The following APBB1IP variants were observed in gnomAD, a reference collection of about 807,000 sequenced individuals.
APBB1IP encodes amyloid beta A4 precursor protein-binding family B member 1-interacting protein.
In APBB1IP, 27 loss-of-function variants were observed where a neutral mutation model predicts 64.9. The observed-to-expected ratio is 0.42, with a 90% CI of 0.31 to 0.57. The LOEUF (loss-of-function observed/expected upper bound fraction) is 0.57, where lower values mean the gene tolerates loss of function less well. APBB1IP is among the 20% of genes least tolerant of loss of function. APBB1IP has a pLI of 0.20. For synonymous variants in APBB1IP, 392 were observed against 331.0 expected, an observed-to-expected ratio of 1.18 and a Z score of -2.00; for missense variants, 812 against 845.5, an observed-to-expected ratio of 0.96 and a Z score of 0.49.
chr10:26,536,179 G>T lies in APBB1IP; in HGVS notation c.1006G>T (p.Ala336Ser). The T allele has an allele frequency of 1.2e-6, 2 of 1,604,092 alleles. No homozygotes were observed. Among genetic ancestry groups the T allele is most frequent in the Non-Finnish European group, 1.7e-6 (2 of 1,176,756 alleles). Residue 336 changes from alanine (A) to serine (S), a missense_variant, in exon 10 of 15, where the codon GCT becomes TCT. This residue lies in a region of APBB1IP where 394 missense variants were observed against 413.1 expected (regional missense o/e 0.95). Transcript: ENST00000376236. ...SWKRRYFLLR[A>S]SGIYYVPKGK... ...GAAAAGGCGCTATTTTCTTTTACGG[G>T]CTTCTGGAATTTATTATGTACCCAA...
rs913611342 is a variant in APBB1IP, at chr10:26,560,919, A to G, written c.1369+75A>G. The G allele has an allele frequency of 7.1e-6, 8 of 1,130,576 alleles. No homozygotes were observed. The African/African-American group carries it at 7.7e-5, about 11-fold the overall frequency. The allele number at this position is 1,130,576 out of a possible 1,614,324, so 70.0% of individuals were successfully genotyped here. A position where few individuals can be genotyped will look rare whatever the true frequency, so the allele number is the denominator to read the frequency against. On this transcript the variant is annotated intron_variant, in intron 13 of 14. Transcript: ENST00000376236. ...AGTTCAAAATGTATCCAATACATCT[A>G]TACAAACAGGACTTTGTACACAGCA...
At chr10:26,526,272 A>G (rs1341658717) in intron 8 of APBB1IP, among the ~76,000 whole-genome samples, 1 of 152,216 alleles carries the variant, frequency 6.6e-6, no homozygotes, top group African/African-American at 2.4e-5. Flanking sequence ...CATGTAAGGC[A>G]CAACCTTACA....
intron 2 of APBB1IP, among the ~76,000 whole-genome samples, chr10:26,491,342 C>A (rs1835952555): frequency 6.6e-6 from 1 of 152,212 alleles, no homozygotes; most frequent in Non-Finnish European, 1.5e-5. Context: ...TGGTCTGCAG[C>A]AAATTCCTCA....
At position 26,536,154 on chromosome 10, in the gene APBB1IP, GA is replaced by G; in HGVS notation, c.985del (p.Arg329GlyfsTer44). On this transcript the variant is annotated frameshift_variant, in exon 10 of 15. Transcript: ENST00000376236. LOFTEE classifies it high-confidence loss of function. The stretch of plus-strand genomic sequence containing the variant: ...TGAAAGAAGATGGAAAGAAATCCTG[GA>G]AAAGGCGCTATTTTCTTTTACGGGC... ...YLKEDGKKSW[K>X]RRYFLLRASG... 2 of 1,604,042 alleles carry G rather than the reference GA, an allele frequency of 1.2e-6. No homozygotes were observed. Among genetic ancestry groups the G allele is most frequent in the South Asian group, 1.1e-5 (1 of 89,666 alleles).
rs192838482 is a variant in APBB1IP, at chr10:26,451,518, C to A, written c.-1+12665C>A. On this transcript the variant is annotated intron_variant, in intron 2 of 14. Coordinates refer to ENST00000376236, the MANE Select transcript of APBB1IP (RefSeq NM_019043.4). ...GGCACCTTGGATTTTGTAAATGATGCGTTCTGCTTTTGCCATTTGGACGTC... is the reference window on the plus strand; with the variant it reads ...GGCACCTTGGATTTTGTAAATGATGAGTTCTGCTTTTGCCATTTGGACGTC... Among the ~76,000 whole-genome samples, 12 of 152,332 alleles carry A rather than the reference C, an allele frequency of 7.9e-5. No individual in the cohort carries two copies. In the East Asian group the frequency reaches 2.3e-3, roughly 29 times the overall value.
chr10:26,525,466 T>C (rs1836461891), intron 8 of APBB1IP, among the ~76,000 whole-genome samples: 1 of 152,150 alleles, frequency 6.6e-6, no homozygotes, highest in South Asian at 2.1e-4. Flanking sequence ...ACCTCTGCAA[T>C]GGGTGAGGAA....
At chr10:26,551,233 C>T (rs1277163835) in intron 11 of APBB1IP, among the ~76,000 whole-genome samples, 3 of 152,166 alleles carry the variant, frequency 2.0e-5, no homozygotes, top group Non-Finnish European at 4.4e-5. Context: ...GTTTCAGCCC[C>T]GTTGGTACTT....
At chr10:26,453,747 G>A (rs996745595) in intron 2 of APBB1IP, among the ~76,000 whole-genome samples, 1 of 152,120 alleles carries the variant, frequency 6.6e-6, no homozygotes, top group Non-Finnish European at 1.5e-5. Flanking sequence ...AACGTCACTA[G>A]TCATAAAGGA....
intron 7 of APBB1IP, among the ~76,000 whole-genome samples, chr10:26,512,149 CTT>C (rs1836269422): frequency 6.6e-6 from 1 of 152,140 alleles, no homozygotes; most frequent in Non-Finnish European, 1.5e-5. Flanking sequence ...CTTGAGAAGA[CTT>C]TGGTTCAAGG....
chr10:26,495,360 G>A (rs900586448), intron 3 of APBB1IP, among the ~76,000 whole-genome samples: 1 of 131,354 alleles, frequency 7.6e-6, no homozygotes, highest in Non-Finnish European at 1.6e-5. Context: ...GAGTTTAAGT[G>A]AACGTGTGTG....
chr10:26,563,178 A>G (rs1450178292), intron 14 of APBB1IP, among the ~76,000 whole-genome samples: 5 of 152,084 alleles, frequency 3.3e-5, no homozygotes, highest in African/African-American at 1.2e-4. Context: ...AGATTAGAAG[A>G]CTGCTAAAAG....
At position 26,567,365 on chromosome 10, in the gene APBB1IP, G is replaced by A; in HGVS notation, c.1878G>A (p.Arg626=). ...GGCCGCCCCCCGCGGTGGCCAAGAG[G>A]CCTCCTGTGCCCCCCAAGAGGCAAG... ...SARPPPAVAK[R]PPVPPKRQEN... is the part of the protein sequence containing the mutation. The change falls in exon 15 of 15, where the codon AGG becomes AGA. Residue 626 remains arginine (R), a synonymous_variant. Coordinates refer to ENST00000376236, the MANE Select transcript of APBB1IP (RefSeq NM_019043.4). 2 of 1,547,220 alleles carry A rather than the reference G, an allele frequency of 1.3e-6. No homozygotes were observed. The highest frequency in any genetic ancestry group is 1.8e-6 in the Non-Finnish European group (2 of 1,141,082).
At chr10:26,447,773 T>G (rs1237302901) in intron 2 of APBB1IP, among the ~76,000 whole-genome samples, 1 of 152,090 alleles carries the variant, frequency 6.6e-6, no homozygotes, top group Admixed American at 6.6e-5. Flanking sequence ...CAAGCAAGAG[T>G]GCAGTGGCAT....
chr10:26,453,304 T>C (rs1835485312), intron 2 of APBB1IP, among the ~76,000 whole-genome samples: 1 of 152,172 alleles, frequency 6.6e-6, no homozygotes, highest in African/African-American at 2.4e-5. Flanking sequence ...CTCCTTTCAC[T>C]GTAAGGCAAG....
At position 26,567,385 on chromosome 10, in the gene APBB1IP, G is replaced by T. The variant is rs929139971; in HGVS notation, c.1898G>T (p.Arg633Met). Reference sequence around the variant, plus strand: ...AAGAGGCCTCCTGTGCCCCCCAAGAGGCAAGAGAACCCAGGGCACCCCGGC... The same window carrying T: ...AAGAGGCCTCCTGTGCCCCCCAAGATGCAAGAGAACCCAGGGCACCCCGGC... ...VAKRPPVPPKRQENPGHPGGA... is the reference protein window; with the variant it reads ...VAKRPPVPPKMQENPGHPGGA... Residue 633 changes from arginine (R) to methionine (M), a missense_variant, in exon 15 of 15, where the codon AGG becomes ATG. Arg to Met is a moderately conservative substitution (Grantham distance 91). Coordinates refer to ENST00000376236, the MANE Select transcript of APBB1IP (RefSeq NM_019043.4). 6.3e-7 allele frequency: 1 copy of T among 1,586,500 alleles called. No homozygotes were observed. Among genetic ancestry groups the T allele is most frequent in the Admixed American group, 1.7e-5 (1 of 58,258 alleles).
intron 6 of APBB1IP, among the ~76,000 whole-genome samples, chr10:26,510,158 CG>C (rs1836234937): frequency 6.6e-6 from 1 of 152,004 alleles, no homozygotes; most frequent in Non-Finnish European, 1.5e-5. Flanking sequence ...TTAGTAGAGA[CG>C]GGGTTTCATC....
chr10:26,461,394 A>G (rs1835590332), intron 2 of APBB1IP, among the ~76,000 whole-genome samples: 1 of 152,190 alleles, frequency 6.6e-6, no homozygotes. Context: ...TCTACTGATT[A>G]CTAACTGCTA....
chr10:26,566,955 T>C lies in APBB1IP; in HGVS notation c.1474-6T>C. The C allele has an allele frequency of 6.4e-7, 1 of 1,567,992 alleles. No individual in the cohort carries two copies. On this transcript the variant is annotated splice_region_variant and splice_polypyrimidine_tract_variant and intron_variant, in intron 14 of 14. Transcript: ENST00000376236. The stretch of plus-strand genomic sequence containing the variant: ...AAAAATGAATGCTACTGCCACTCGG[T>C]TGCAGGATAAGAAGCCAGCCCTCGG...
intron 11 of APBB1IP, among the ~76,000 whole-genome samples, chr10:26,559,587 G>C (rs937232440): frequency 2.0e-5 from 3 of 150,694 alleles, no homozygotes; most frequent in Non-Finnish European, 3.0e-5. Context: ...AAAAAGATGT[G>C]CTTATGATAA....
Sources: gnomAD v4.1 joint callset for allele counts (sites outside exome capture counted in the v4.1 genomes callset) on GRCh38, gnomAD v4.1.1 for gene constraint, gnomAD v4.1.1 regional missense constraint, MANE v1.5 for transcripts, NCBI Gene and HGNC (gene_info 2026-07-23, HGNC 2026-07-21) for gene names.